The following KDM2A variants were observed in gnomAD, a reference collection of about 807,000 sequenced individuals.
KDM2A encodes lysine demethylase 2A.
Under a neutral mutation model 137.3 loss-of-function variants are expected in KDM2A, and 3 were observed. The ratio of observed to expected loss-of-function variants is 0.02; its 90% CI spans 0.01 to 0.06. The LOEUF is 0.06. Ranked by LOEUF, KDM2A falls within the 10% of genes least tolerant of loss-of-function variation. The probability of loss-of-function intolerance (pLI) is 1.00; values close to 1 mark genes in which losing one functional copy is unlikely to be tolerated. For missense variants in KDM2A, 738 were observed against 1,510.6 expected (o/e 0.49, Z 8.48); for synonymous variants, 512 against 541.5 (o/e 0.95, Z 0.76).
chr11:67,224,462 T>TTTTC lies in KDM2A; in HGVS notation c.958-3572_958-3571insCTTT, dbSNP rs71056187. Among the ~76,000 whole-genome samples the TTTTC allele has an allele frequency of 1.6e-3, 4 of 2,518 alleles. No individual in the cohort carries two copies. The African/African-American group carries it at 0.016, about 10-fold the overall frequency. The allele number at this position is 2,518 out of a possible 152,430, so 1.7% of individuals were successfully genotyped here. Reference sequence around the variant, plus strand: ...TCCGTACCAAAAATTAACCCCTTTCTTTTTTTTTTTTTTTTTTTTTTGAGA... The same window carrying TTTTC: ...TCCGTACCAAAAATTAACCCCTTTCTTTTCTTTTTTTTTTTTTTTTTTTTTGAGA... On this transcript the variant is annotated intron_variant, in intron 10 of 20. Coordinates refer to ENST00000529006, the MANE Select transcript of KDM2A (RefSeq NM_012308.3).
At chr11:67,192,283 A>G (rs1239583789) in intron 5 of KDM2A, among the ~76,000 whole-genome samples, 3 of 152,156 alleles carry the variant, frequency 2.0e-5, no homozygotes, top group Admixed American at 6.5e-5. Flanking sequence ...TTTAAACATT[A>G]ACAAATGGCA....
At chr11:67,141,801 C>A (rs1856109514) in intron 2 of KDM2A, among the ~76,000 whole-genome samples, 1 of 151,378 alleles carries the variant, frequency 6.6e-6, no homozygotes, top group African/African-American at 2.4e-5. Flanking sequence ...TAACCATCCT[C>A]TCTTTATGCA....
intron 5 of KDM2A, among the ~76,000 whole-genome samples, chr11:67,191,225 C>G (rs938397435): frequency 6.6e-6 from 1 of 151,984 alleles, no homozygotes; most frequent in African/African-American, 2.4e-5. Flanking sequence ...TGGGGTTTCA[C>G]CATGTTGGCC....
At chr11:67,249,021 T>C (rs553594487) in intron 16 of KDM2A, among the ~76,000 whole-genome samples, 79 of 152,234 alleles carry the variant, frequency 5.2e-4, no homozygotes, top group Non-Finnish European at 1.0e-3. Flanking sequence ...AGGAGATGGC[T>C]TTCCAAGTGC....
chr11:67,245,597 CT>C lies in KDM2A; in HGVS notation c.1833+145del. 19 of 927,188 alleles carry C rather than the reference CT, an allele frequency of 2.0e-5. No homozygotes were observed. Among genetic ancestry groups the C allele is most frequent in the Non-Finnish European group, 2.4e-5 (15 of 628,240 alleles). The allele number at this position is 927,188 out of a possible 1,614,324, so 57.4% of individuals were successfully genotyped here. On this transcript the variant is annotated intron_variant, in intron 14 of 20. Coordinates refer to ENST00000529006, the MANE Select transcript of KDM2A (RefSeq NM_012308.3). This position sits in a 1 kb window ranked among gnomAD's most constrained non-coding sequence, Gnocchi z 4.1. ...CTCTCTTTTTGGCTTTATTTTGTAC[CT>C]TTTTTCCCCAGGTTTAGATAGAAGG... is the stretch of plus-strand genomic sequence containing the variant.
At chr11:67,169,385 T>C (rs529569572) in intron 2 of KDM2A, among the ~76,000 whole-genome samples, 31 of 150,830 alleles carry the variant, frequency 2.1e-4, no homozygotes, top group East Asian at 1.7e-3. Flanking sequence ...TTTTTCTTTT[T>C]TTTTTTTTTT....
chr11:67,233,480 C>T lies in KDM2A; in HGVS notation c.1479+1520C>T, dbSNP rs930338671. 1.8e-3 allele frequency among the ~76,000 whole-genome samples: 129 copies of T among 72,208 alleles called. 1 individual carries two copies. Among genetic ancestry groups the T allele is most frequent in the Non-Finnish European group, 3.1e-3 (115 of 37,536 alleles). 47.4% of individuals were successfully genotyped at this position (72,208 alleles called of 152,430 possible). A position where few individuals can be genotyped will look rare whatever the true frequency, so the allele number is the denominator to read the frequency against. ...CAGCCTGGCCAAGATGGTAAAACCCCGTCTCTACTAAAAATACAAAAATTA... is the reference window on the plus strand; with the variant it reads ...CAGCCTGGCCAAGATGGTAAAACCCTGTCTCTACTAAAAATACAAAAATTA... On this transcript the variant is annotated intron_variant, in intron 12 of 20. Transcript: ENST00000529006.
chr11:67,121,656 A>G (rs1238976067), intron 2 of KDM2A, among the ~76,000 whole-genome samples: 1 of 152,236 alleles, frequency 6.6e-6, no homozygotes, highest in African/African-American at 2.4e-5. Context: ...CTGATTTTAC[A>G]GTACTGACAT....
chr11:67,176,398 T>G, intron 2 of KDM2A, among the ~76,000 whole-genome samples: 1 of 152,216 alleles, frequency 6.6e-6, no homozygotes, highest in Admixed American at 6.5e-5. Flanking sequence ...AATTCTAGAT[T>G]TGATGTTCTT....
At chr11:67,204,080 CGT>C (rs965143503) in intron 5 of KDM2A, among the ~76,000 whole-genome samples, 2 of 152,078 alleles carry the variant, frequency 1.3e-5, no homozygotes, top group African/African-American at 4.8e-5. Context: ...AGATTACAGG[CGT>C]GAGTCACCAC....
intron 2 of KDM2A, among the ~76,000 whole-genome samples, chr11:67,170,230 G>A (rs1273815094): frequency 1.3e-5 from 2 of 152,036 alleles, no homozygotes; most frequent in African/African-American, 2.4e-5. Flanking sequence ...TGAACAACCA[G>A]TAGTTTGTCA....
At chr11:67,191,004 A>G (rs1266394606) in intron 5 of KDM2A, among the ~76,000 whole-genome samples, 4 of 152,274 alleles carry the variant, frequency 2.6e-5, no homozygotes, top group South Asian at 4.1e-4. Context: ...ACTAACACCA[A>G]TTCTTCTCAA....
chr11:67,128,539 C>T lies in KDM2A; in HGVS notation c.42+7181C>T, dbSNP rs569497447. Among the ~76,000 whole-genome samples, 3 of 152,164 alleles carry T rather than the reference C, an allele frequency of 2.0e-5. No homozygotes were observed. In the South Asian group the frequency reaches 6.2e-4, roughly 32 times the overall value. ...TGGTCTCATTGTTGCGGCCTCCCTCCTAATAATGTAGGAAAAACTTGACCA... is the reference window on the plus strand; with the variant it reads ...TGGTCTCATTGTTGCGGCCTCCCTCTTAATAATGTAGGAAAAACTTGACCA... On this transcript the variant is annotated intron_variant, in intron 2 of 20. Coordinates refer to ENST00000529006, the MANE Select transcript of KDM2A (RefSeq NM_012308.3).
intron 5 of KDM2A, among the ~76,000 whole-genome samples, chr11:67,203,814 T>G (rs1450705698): frequency 1.3e-5 from 2 of 151,836 alleles, no homozygotes; most frequent in Admixed American, 1.3e-4. Context: ...TCTTTTTTCT[T>G]TTTAAGACAG....
chr11:67,185,293 G>A (rs1857177600), intron 5 of KDM2A, among the ~76,000 whole-genome samples: 1 of 152,130 alleles, frequency 6.6e-6, no homozygotes, highest in Non-Finnish European at 1.5e-5. Context: ...CTAAGGAACA[G>A]AATGACAAAA....
intron 2 of KDM2A, among the ~76,000 whole-genome samples, chr11:67,165,900 A>G (rs1256349980): frequency 1.3e-5 from 2 of 152,064 alleles, no homozygotes; most frequent in East Asian, 1.9e-4. Context: ...TTCTTTTTCC[A>G]TAACTTCTTA....
intron 8 of KDM2A, 82 bp downstream of exon 8, chr11:67,216,031 C>T: frequency 1.0e-6 from 1 of 988,166 alleles, no homozygotes; most frequent in Non-Finnish European, 1.6e-6. Context: ...TTAATATACC[C>T]TGGAAATGAA....
intron 2 of KDM2A, among the ~76,000 whole-genome samples, chr11:67,170,657 C>T (rs190954755): frequency 2.0e-5 from 3 of 152,162 alleles, no homozygotes; most frequent in Non-Finnish European, 4.4e-5. Context: ...CAGTGATCCG[C>T]CCGCCTCAGC....
At chr11:67,239,840 G>C (rs1232721528) in intron 12 of KDM2A, among the ~76,000 whole-genome samples, 1 of 152,252 alleles carries the variant, frequency 6.6e-6, no homozygotes, top group Non-Finnish European at 1.5e-5. Context: ...CCCTCAGGGG[G>C]CTGGCCCTAG....
Sources: gnomAD v4.1 joint callset for allele counts (sites outside exome capture counted in the v4.1 genomes callset) on GRCh38, gnomAD v4.1.1 for gene constraint, Gnocchi (gnomAD v3.1) non-coding constraint, MANE v1.5 for transcripts, NCBI Gene and HGNC (gene_info 2026-07-23, HGNC 2026-07-21) for gene names.